APP: variants seen among roughly 807,000 people sequenced by gnomAD.
The protein encoded by APP is amyloid beta precursor protein, also known as amyloid-beta precursor protein.
APP carries 31 observed loss-of-function variants against 101.4 expected under a neutral mutation model. That is an observed-to-expected ratio of 0.31 (90% CI 0.23 to 0.41). APP has a LOEUF of 0.41. Among genes scored for constraint, APP ranks in the 10% least tolerant of loss-of-function variants. APP has a pLI of 1.00. For synonymous variants in APP, 366 were observed against 364.4 expected (o/e 1.00, Z -0.05); for missense variants, 839 against 1,003.7 (o/e 0.84, Z 2.22).
At chr21:26,095,769 A>G (rs536673968) in intron 2 of APP, among the ~76,000 whole-genome samples, 1 of 152,320 alleles carries the variant, frequency 6.6e-6, no homozygotes, top group South Asian at 2.1e-4. Context: ...TAAGCTGCTT[A>G]ATTTGCATGT....
chr21:25,995,781 T>A (rs2043031302), intron 8 of APP, among the ~76,000 whole-genome samples: 1 of 152,180 alleles, frequency 6.6e-6, no homozygotes, highest in Non-Finnish European at 1.5e-5. Context: ...ACAAACCACA[T>A]CCTTCAAAAG....
chr21:26,091,476 G>C (rs2146117403), intron 2 of APP, among the ~76,000 whole-genome samples: 1 of 152,290 alleles, frequency 6.6e-6, no homozygotes, highest in South Asian at 2.1e-4. Flanking sequence ...TGAAAACAAG[G>C]TCACTGGAGG....
intron 15 of APP, among the ~76,000 whole-genome samples, chr21:25,903,103 A>T (rs1299804499): frequency 6.6e-6 from 1 of 151,528 alleles, no homozygotes; most frequent in African/African-American, 2.4e-5. Context: ...CATGGTGCTT[A>T]TGCCTGTAAT....
chr21:26,170,523 A>G (rs1011492965), intron 1 of APP, 41 bp downstream of exon 1: 2 of 1,532,860 alleles, frequency 1.3e-6, no homozygotes, highest in African/African-American at 2.8e-5. Flanking sequence ...TCGCGTCCCC[A>G]CCGTGCAGCC....
chr21:25,984,091 G>A (rs1425902187), intron 8 of APP, among the ~76,000 whole-genome samples: 10 of 152,300 alleles, frequency 6.6e-5, no homozygotes, highest in Non-Finnish European at 1.3e-4. Flanking sequence ...ACACAGTGGA[G>A]CTCATACATG....
chr21:26,004,871 C>T (rs2043460948), intron 6 of APP, among the ~76,000 whole-genome samples: 1 of 122,092 alleles, frequency 8.2e-6, no homozygotes, highest in African/African-American at 3.1e-5. Flanking sequence ...TCTCATTGTT[C>T]AATTTCCACC....
At chr21:25,892,152 A>G (rs1468014737) in intron 16 of APP, among the ~76,000 whole-genome samples, 2 of 52,016 alleles carry the variant, frequency 3.8e-5, no homozygotes, top group Non-Finnish European at 4.3e-5. Context: ...GAGGAAGTCT[A>G]CTTTCCCCAC....
chr21:26,005,952 TTAAAAA>T (rs1315401453), intron 6 of APP, among the ~76,000 whole-genome samples: 3 of 152,094 alleles, frequency 2.0e-5, no homozygotes, highest in Non-Finnish European at 4.4e-5. Context: ...ATTATGTCAA[TTAAAAA>T]TAAAGTTGAA....
intron 1 of APP, among the ~76,000 whole-genome samples, chr21:26,163,298 T>C (rs2063537757): frequency 6.7e-6 from 1 of 149,738 alleles, no homozygotes; most frequent in Non-Finnish European, 1.5e-5. Flanking sequence ...GTGACAATTA[T>C]TCTTGTTGAA....
chr21:25,918,388 C>T (rs555580370), intron 13 of APP, among the ~76,000 whole-genome samples: 3 of 152,290 alleles, frequency 2.0e-5, no homozygotes, highest in African/African-American at 7.2e-5. Context: ...CCAAGATGGC[C>T]GAATAGGAAC....
chr21:26,082,911 A>G (rs975641646), intron 3 of APP, among the ~76,000 whole-genome samples: 2 of 152,344 alleles, frequency 1.3e-5, no homozygotes, highest in Non-Finnish European at 2.9e-5. Context: ...AGAATATTCA[A>G]TTAACTACTT....
intron 6 of APP, among the ~76,000 whole-genome samples, chr21:26,003,253 T>C (rs775565342): frequency 7.2e-5 from 11 of 152,202 alleles, no homozygotes; most frequent in Non-Finnish European, 1.3e-4. Flanking sequence ...ATTAAGTAAA[T>C]AGTATAAGCT....
intron 8 of APP, among the ~76,000 whole-genome samples, chr21:25,991,828 G>A (rs1427832376): frequency 2.0e-5 from 3 of 152,132 alleles, no homozygotes; most frequent in East Asian, 3.8e-4. Context: ...CTATAATCTG[G>A]CCTTGTATGA....
upstream of APP, chr21:26,171,025 G>A (rs1234827676): frequency 1.2e-5 from 2 of 168,544 alleles, no homozygotes; most frequent in Non-Finnish European, 2.5e-5. Context: ...CTGGGGCCAG[G>A]AGAGGGACGG....
rs375106574 is a variant in APP, at chr21:26,045,278, T to TA, written c.662+5721dup. Among the ~76,000 whole-genome samples, 58 of 147,298 alleles carry TA rather than the reference T, an allele frequency of 3.9e-4. 1 individual carries two copies. Among genetic ancestry groups the TA allele is most frequent in the African/African-American group, 1.2e-3 (49 of 40,250 alleles). ...CAATAATTAAATGAAATTGCAAGTA[T>TA]AAAAAAAAAAGACCAAGAAATATGA... On this transcript the variant is annotated intron_variant, in intron 5 of 17. Transcript: ENST00000346798.
chr21:25,969,267 G>A (rs2041915087), intron 11 of APP, among the ~76,000 whole-genome samples: 1 of 142,516 alleles, frequency 7.0e-6, no homozygotes, highest in Non-Finnish European at 1.5e-5. Flanking sequence ...AGAATGGTGT[G>A]AACCCAGAAG....
rs184913819 is a variant in APP, at chr21:25,951,766, A to G, written c.1687+2824T>C. Among the ~76,000 whole-genome samples, 411 of 152,360 alleles carry G rather than the reference A, an allele frequency of 2.7e-3. 2 individuals carry two copies. The highest frequency in any genetic ancestry group is 9.3e-3 in the African/African-American group (386 of 41,586). On this transcript the variant is annotated intron_variant, in intron 13 of 17. Coordinates refer to ENST00000346798, the MANE Select transcript of APP (RefSeq NM_000484.4). The stretch of plus-strand genomic sequence containing the variant: ...ATTATGAGAAATTTTAAACACATAC[A>G]AAAGTAAAAAGAATAACATGAGGAA...
intron 1 of APP, among the ~76,000 whole-genome samples, chr21:26,126,873 AAC>A (rs1012179213): frequency 2.0e-5 from 3 of 152,198 alleles, no homozygotes; most frequent in Admixed American, 6.5e-5. Context: ...GGTTGAACCA[AAC>A]AGAGTTTCCA....
intron 13 of APP, among the ~76,000 whole-genome samples, chr21:25,943,953 C>T (rs2040691886): frequency 1.3e-5 from 2 of 152,118 alleles, no homozygotes; most frequent in African/African-American, 4.8e-5. Context: ...GCTATAGCAA[C>T]TTCAATGCTA....
Sources: gnomAD v4.1 joint callset for allele counts (sites outside exome capture counted in the v4.1 genomes callset) on GRCh38, gnomAD v4.1.1 for gene constraint, MANE v1.5 for transcripts, NCBI Gene and HGNC (gene_info 2026-07-23, HGNC 2026-07-21) for gene names.